The following NT5E variants were observed in gnomAD, a reference collection of about 807,000 sequenced individuals.
NT5E encodes 5'-nucleotidase.
A neutral mutation model predicts 55.1 loss-of-function variants in NT5E; 53 were observed. That is an observed-to-expected ratio of 0.96 (90% confidence interval 0.77 to 1.21). NT5E has a LOEUF of 1.21. Ranked by LOEUF, NT5E falls within the 50% of genes most tolerant of loss-of-function variation. The pLI is 0.00. For synonymous variants in NT5E, 270 were observed against 278.4 expected, an observed-to-expected ratio of 0.97 and a Z score of 0.30; for missense variants, 683 against 724.3, an observed-to-expected ratio of 0.94 and a Z score of 0.65.
chr6:85,478,800 G>A (rs974504292), intron 3 of NT5E, among the ~76,000 whole-genome samples: 10 of 151,430 alleles, frequency 6.6e-5, no homozygotes, highest in Admixed American at 4.0e-4. Context: ...ATGTTCTAGG[G>A]CCCAGTTCTG....
At chr6:85,476,462 G>A (rs370526969) in intron 3 of NT5E, among the ~76,000 whole-genome samples, 23 of 152,290 alleles carry the variant, frequency 1.5e-4, no homozygotes, top group East Asian at 1.2e-3. Context: ...GTGCGGCCCC[G>A]CAGCAGCATC....
chr6:85,483,297 C>A (rs2127723861), intron 3 of NT5E, among the ~76,000 whole-genome samples: 1 of 152,312 alleles, frequency 6.6e-6, no homozygotes, highest in East Asian at 1.9e-4. Flanking sequence ...GGGAACTGCA[C>A]CGCCCCAGCA....
Position 85,485,236 on chromosome 6 carries a change from C to G in NT5E, c.753C>G (p.Gly251=). The G allele has an allele frequency of 6.2e-7, 1 of 1,614,088 alleles. No individual in the cohort carries two copies. Among genetic ancestry groups the G allele is most frequent in the Non-Finnish European group, 8.5e-7 (1 of 1,179,994 alleles). ...TCAGCTGTGGCTCTTTTATTTCAGG[C>G]AATCCACCTTCCAAAGAGGTGCCTG... is the stretch of plus-strand genomic sequence containing the variant. The part of the protein sequence containing the change: ...GGHSNTFLYT[G]NPPSKEVPAG... The change falls in exon 4 of 9, where the codon GGC becomes GGG. Residue 251 remains glycine, a splice_region_variant and synonymous_variant. Coordinates refer to ENST00000257770, the MANE Select transcript of NT5E (RefSeq NM_002526.4).
chr6:85,450,099 C>G lies in NT5E; in HGVS notation c.-41C>G. On this transcript the variant is annotated 5_prime_UTR_variant, in exon 1 of 9. Transcript: ENST00000257770. This position sits in a 1 kb window ranked among gnomAD's most constrained non-coding sequence, Gnocchi z 4.0. The stretch of plus-strand genomic sequence containing the variant: ...CTCGCCCCTACTCGCCGGCACTCGC[C>G]CGGCTCGCCCGCTTTCGCACCCAGT... 2 of 1,508,246 alleles carry G rather than the reference C, an allele frequency of 1.3e-6. No individual in the cohort carries two copies. The highest frequency in any genetic ancestry group is 1.8e-6 in the Non-Finnish European group (2 of 1,122,562). 93.4% of individuals were successfully genotyped at this position (1,508,246 alleles called of 1,614,324 possible).
At chr6:85,470,677 A>G (rs1384343570) in intron 2 of NT5E, among the ~76,000 whole-genome samples, 1 of 152,208 alleles carries the variant, frequency 6.6e-6, no homozygotes, top group African/African-American at 2.4e-5. Context: ...CCTGGCATCA[A>G]GTGATCTGCC....
At chr6:85,476,676 T>G (rs1769444233) in intron 3 of NT5E, among the ~76,000 whole-genome samples, 1 of 152,184 alleles carries the variant, frequency 6.6e-6, no homozygotes, top group African/African-American at 2.4e-5. Flanking sequence ...TTATTGCTGA[T>G]GAAAATGGCT....
intron 4 of NT5E, among the ~76,000 whole-genome samples, chr6:85,486,942 C>G (rs543064492): frequency 3.3e-5 from 5 of 152,186 alleles, no homozygotes; most frequent in Non-Finnish European, 5.9e-5. Context: ...ACACAGCCCT[C>G]TCAGTAGCCA....
intron 1 of NT5E, among the ~76,000 whole-genome samples, chr6:85,461,018 T>C (rs1223491541): frequency 6.6e-6 from 1 of 152,222 alleles, no homozygotes; most frequent in African/African-American, 2.4e-5. Context: ...CCAGTTAGAA[T>C]TGATTGATCA....
chr6:85,451,767 A>C (rs1768863729), intron 1 of NT5E, among the ~76,000 whole-genome samples: 1 of 152,202 alleles, frequency 6.6e-6, no homozygotes, highest in African/African-American at 2.4e-5. Context: ...GGAGAGCACA[A>C]TGCTGAGGGG....
At chr6:85,470,828 T>C (rs1051093624) in intron 2 of NT5E, among the ~76,000 whole-genome samples, 1 of 152,378 alleles carries the variant, frequency 6.6e-6, no homozygotes, top group East Asian at 1.9e-4. Flanking sequence ...GTTTTAAGTT[T>C]GAACACTGAT....
chr6:85,489,856 A>G (rs1380199708), intron 6 of NT5E, among the ~76,000 whole-genome samples: 1 of 152,178 alleles, frequency 6.6e-6, no homozygotes, highest in Non-Finnish European at 1.5e-5. Context: ...GTGGAACTCA[A>G]ACTTGGTCTG....
rs533954245 is a variant in NT5E, at chr6:85,467,863, TA to T, written c.562+583del. On this transcript the variant is annotated intron_variant, in intron 2 of 8. Coordinates refer to ENST00000257770, the MANE Select transcript of NT5E (RefSeq NM_002526.4). ...AGACATATATACACATATGTATATA[TA>T]ATATATATAATCTTAAGACACACAC... is the stretch of plus-strand genomic sequence containing the variant. Among the ~76,000 whole-genome samples, 731 of 151,630 alleles carry T rather than the reference TA, an allele frequency of 4.8e-3. 4 individuals carry two copies. The highest frequency in any genetic ancestry group is 7.4e-3 in the Non-Finnish European group (500 of 67,880).
At chr6:85,491,547 C>T (rs1329957411) in intron 7 of NT5E, among the ~76,000 whole-genome samples, 1 of 152,246 alleles carries the variant, frequency 6.6e-6, no homozygotes, top group African/African-American at 2.4e-5. Context: ...TAGCAAAGCA[C>T]TGCATAGCTC....
chr6:85,482,829 G>C (rs1010199260), intron 3 of NT5E, among the ~76,000 whole-genome samples: 2 of 152,198 alleles, frequency 1.3e-5, no homozygotes, highest in African/African-American at 4.8e-5. Flanking sequence ...GCCCTGGACT[G>C]GTTTCTGTGT....
At chr6:85,485,499 C>T in intron 4 of NT5E, 67 bp downstream of exon 4, 1 of 1,454,386 alleles carries the variant, frequency 6.9e-7, no homozygotes, top group Admixed American at 1.7e-5. Flanking sequence ...TTGCTCCTTC[C>T]CATTTTTTTC....
intron 6 of NT5E, 87 bp downstream of exon 6, chr6:85,489,686 T>A: frequency 1.1e-6 from 1 of 915,630 alleles, no homozygotes; most frequent in Non-Finnish European, 1.8e-6. Context: ...AACACACCCA[T>A]GTGCAGCCTC....
chr6:85,465,227 G>A (rs528202501), intron 1 of NT5E, among the ~76,000 whole-genome samples: 2 of 152,254 alleles, frequency 1.3e-5, no homozygotes, highest in South Asian at 4.1e-4. Context: ...GGTGGAGAAG[G>A]CATCAAACAA....
Position 85,487,950 on chromosome 6 carries a change from T to C in NT5E, c.1104+461T>C, listed in dbSNP as rs1769701624. Among the ~76,000 whole-genome samples, 2 of 152,160 alleles carry C rather than the reference T, an allele frequency of 1.3e-5. 1 individual carries two copies. The highest frequency in any genetic ancestry group is 4.1e-4 in the South Asian group (2 of 4,822). ...TGGATGTTGCTTTCCTTTTGTAAGA[T>C]GATGCAAATGCACAAACTCTGCTAC... On this transcript the variant is annotated intron_variant, in intron 5 of 8. Coordinates refer to ENST00000257770, the MANE Select transcript of NT5E (RefSeq NM_002526.4).
Position 85,495,442 on chromosome 6 carries a change from T to G in NT5E, c.*1438T>G, listed in dbSNP as rs568085236. 6.6e-5 allele frequency: 10 copies of G among 152,374 alleles called. No homozygotes were observed. Among genetic ancestry groups the G allele is most frequent in the African/African-American group, 2.4e-4 (10 of 41,600 alleles). 9.4% of individuals were successfully genotyped at this position (152,374 alleles called of 1,614,324 possible). On this transcript the variant is annotated 3_prime_UTR_variant, in exon 9 of 9. Coordinates refer to ENST00000257770, the MANE Select transcript of NT5E (RefSeq NM_002526.4). ...TTTTGATAGGAAGTATGTTTGTTTCTTAGTGTTTACAAATATTAAGTACTC... is the reference window on the plus strand; with the variant it reads ...TTTTGATAGGAAGTATGTTTGTTTCGTAGTGTTTACAAATATTAAGTACTC...
Sources: gnomAD v4.1 joint callset for allele counts (sites outside exome capture counted in the v4.1 genomes callset) on GRCh38, gnomAD v4.1.1 for gene constraint, Gnocchi (gnomAD v3.1) non-coding constraint, MANE v1.5 for transcripts, NCBI Gene and HGNC (gene_info 2026-07-23, HGNC 2026-07-21) for gene names.